The following PBX1 variants were observed in gnomAD, a reference collection of about 807,000 sequenced individuals.
The protein encoded by PBX1 is pre-B-cell leukemia transcription factor 1.
Under a neutral mutation model 53.4 loss-of-function variants are expected in PBX1, and 6 were observed. That is an observed-to-expected ratio of 0.11 (90% confidence interval 0.06 to 0.22). PBX1 has a LOEUF of 0.22. Among genes scored for constraint, PBX1 ranks in the 10% least tolerant of loss-of-function variants. PBX1 has a pLI of 1.00. For missense variants in PBX1, 251 were observed against 551.4 expected, an observed-to-expected ratio of 0.46 and a Z score of 5.46; for synonymous variants, 204 against 212.3, an observed-to-expected ratio of 0.96 and a Z score of 0.34.
At chr1:164,767,433 G>A (rs964106058) in intron 2 of PBX1, among the ~76,000 whole-genome samples, 6 of 152,116 alleles carry the variant, frequency 3.9e-5, no homozygotes, top group African/African-American at 1.2e-4. Flanking sequence ...CAGAGAGTGC[G>A]CTGGAGGCAT....
intron 6 of PBX1, 24 bp downstream of exon 6, chr1:164,812,173 G>T (rs1275614417): frequency 1.3e-6 from 2 of 1,593,032 alleles, no homozygotes; most frequent in Non-Finnish European, 1.7e-6. Context: ...TTGATTGGGG[G>T]TGGGGGAAGG....
intron 2 of PBX1, among the ~76,000 whole-genome samples, chr1:164,747,321 A>G (rs186692651): frequency 1.6e-4 from 23 of 144,680 alleles, no homozygotes; most frequent in South Asian, 4.5e-4. Flanking sequence ...TGAATCATGT[A>G]TATATATATA....
At chr1:164,871,383 T>C (rs147378580) in intron 2 of PBX1, among the ~76,000 whole-genome samples, 85 of 152,292 alleles carry the variant, frequency 5.6e-4, no homozygotes, top group African/African-American at 2.0e-3. Context: ...TCCAACTTAT[T>C]GGCCCAATAA....
At chr1:164,629,972 G>A (rs145170623) in intron 2 of PBX1, among the ~76,000 whole-genome samples, 16 of 152,250 alleles carry the variant, frequency 1.1e-4, no homozygotes, top group Middle Eastern at 3.4e-3. Context: ...AAGACAGTGC[G>A]AATGAGTATG....
At chr1:164,877,800 A>C (rs537415519) in intron 2 of PBX1, among the ~76,000 whole-genome samples, 1 of 152,222 alleles carries the variant, frequency 6.6e-6, no homozygotes, top group Non-Finnish European at 1.5e-5. Flanking sequence ...TACACAAGTG[A>C]TACACAAGTG....
chr1:164,871,802 T>C (rs1672389388), intron 2 of PBX1, among the ~76,000 whole-genome samples: 1 of 152,108 alleles, frequency 6.6e-6, no homozygotes, highest in Non-Finnish European at 1.5e-5. Flanking sequence ...GAAACTGCTC[T>C]CAGGAAGAAT....
intron 2 of PBX1, among the ~76,000 whole-genome samples, chr1:164,687,073 C>T (rs999198808): frequency 1.3e-5 from 2 of 152,156 alleles, no homozygotes; most frequent in Non-Finnish European, 2.9e-5. Context: ...ATCATGGTGG[C>T]ATGGGCACCA....
At chr1:164,565,296 T>A (rs1054138930) in intron 2 of PBX1, among the ~76,000 whole-genome samples, 3 of 152,188 alleles carry the variant, frequency 2.0e-5, no homozygotes, top group African/African-American at 7.2e-5. Flanking sequence ...ATACATTTAA[T>A]GTTTAGAGAC....
intron 2 of PBX1, among the ~76,000 whole-genome samples, chr1:164,661,888 G>GT (rs1460113832): frequency 6.6e-6 from 1 of 152,136 alleles, no homozygotes; most frequent in Non-Finnish European, 1.5e-5. Context: ...AGGTTGTAGA[G>GT]TAAAAACAGG....
chr1:164,563,440 C>A (rs927544639), intron 2 of PBX1, 129 bp downstream of exon 2: 2 of 503,640 alleles, frequency 4.0e-6, no homozygotes, highest in African/African-American at 2.0e-5. Context: ...ACCTCATATT[C>A]GAATAGGAAG....
chr1:164,834,914 A>AT (rs1249313834), intron 8 of PBX1, among the ~76,000 whole-genome samples: 1 of 152,104 alleles, frequency 6.6e-6, no homozygotes, highest in Non-Finnish European at 1.5e-5. Context: ...TAAATTTTAA[A>AT]TTTTTTTCTG....
intron 2 of PBX1, among the ~76,000 whole-genome samples, chr1:164,869,257 A>C (rs896165691): frequency 2.0e-5 from 3 of 152,112 alleles, no homozygotes; most frequent in Admixed American, 6.5e-5. Flanking sequence ...TCCACTGAAA[A>C]ACCTGAAGAC....
At chr1:164,742,033 A>G (rs980911024) in intron 2 of PBX1, among the ~76,000 whole-genome samples, 1 of 152,170 alleles carries the variant, frequency 6.6e-6, no homozygotes, top group African/African-American at 2.4e-5. Flanking sequence ...CAAACAAAAA[A>G]TACCCATTAT....
chr1:164,715,927 G>A (rs1050484874), intron 2 of PBX1, among the ~76,000 whole-genome samples: 2 of 152,168 alleles, frequency 1.3e-5, no homozygotes, highest in African/African-American at 4.8e-5. Flanking sequence ...GCTTACAAAG[G>A]CCTATTGCCC....
At chr1:164,610,106 T>C (rs1012379143) in intron 2 of PBX1, among the ~76,000 whole-genome samples, 11 of 152,204 alleles carry the variant, frequency 7.2e-5, no homozygotes, top group Non-Finnish European at 1.3e-4. Flanking sequence ...AGGTTTAGCA[T>C]TGAGGCAATT....
At chr1:164,746,471 G>A (rs1021693765) in intron 2 of PBX1, among the ~76,000 whole-genome samples, 2 of 152,122 alleles carry the variant, frequency 1.3e-5, no homozygotes, top group African/African-American at 4.8e-5. Context: ...CCACCTCCCA[G>A]GTTCAAGTGA....
intron 6 of PBX1, chr1:164,816,681 C>G (rs1232470690): frequency 6.6e-6 from 1 of 151,958 alleles, no homozygotes; most frequent in Non-Finnish European, 1.5e-5. Flanking sequence ...GTAGGGCTAA[C>G]CAGCCTACAA....
chr1:164,732,375 T>C (rs767434186), intron 2 of PBX1, among the ~76,000 whole-genome samples: 3 of 152,180 alleles, frequency 2.0e-5, no homozygotes, highest in Non-Finnish European at 2.9e-5. Flanking sequence ...CCAGTTAATG[T>C]TTTCACTTTT....
intron 2 of PBX1, among the ~76,000 whole-genome samples, chr1:164,573,232 CT>C (rs1171882336): frequency 1.3e-5 from 2 of 151,774 alleles, no homozygotes; most frequent in Non-Finnish European, 2.9e-5. Context: ...ATTTTGCATT[CT>C]TTTTTTGTGC....
Sources: allele counts gnomAD v4.1 joint callset (sites outside exome capture counted in the v4.1 genomes callset), GRCh38; gene constraint gnomAD v4.1.1; transcripts MANE v1.5; gene names NCBI Gene and HGNC (gene_info 2026-07-23, HGNC 2026-07-21).